SMAD3: variants seen among roughly 807,000 people sequenced by gnomAD.
The protein encoded by SMAD3 is MAD homolog 3.
Under a neutral mutation model 51.8 loss-of-function variants are expected in SMAD3, and 12 were observed. The ratio of observed to expected loss-of-function variants is 0.23; its 90% CI spans 0.15 to 0.38. SMAD3 has a LOEUF of 0.38. SMAD3 is among the 10% of genes least tolerant of loss of function. SMAD3 has a pLI of 1.00. For synonymous variants in SMAD3, 238 were observed against 227.7 expected (o/e 1.05, Z -0.41); for missense variants, 294 against 565.6 (o/e 0.52, Z 4.87).
intron 1 of SMAD3, among the ~76,000 whole-genome samples, chr15:67,152,839 T>C (rs746660687): frequency 6.6e-6 from 1 of 152,190 alleles, no homozygotes; most frequent in African/African-American, 2.4e-5. Flanking sequence ...GAAAAAAGTT[T>C]GTGAAGACCA....
At chr15:67,164,821 T>C in intron 1 of SMAD3, 74 bp from the exon 2 acceptor site, 1 of 1,487,226 alleles carries the variant, frequency 6.7e-7, no homozygotes, top group South Asian at 1.1e-5. Flanking sequence ...TGTCTGAAAG[T>C]AGGAGGCCGG....
chr15:67,171,244 A>G (rs1962743225), intron 5 of SMAD3, among the ~76,000 whole-genome samples: 1 of 151,958 alleles, frequency 6.6e-6, no homozygotes, highest in African/African-American at 2.4e-5. Flanking sequence ...ACGTTTCCGT[A>G]TTTAGGTGTC....
intron 8 of SMAD3, 112 bp from the exon 9 acceptor site, chr15:67,190,298 TAAC>T: frequency 1.0e-6 from 1 of 994,884 alleles, no homozygotes; most frequent in Non-Finnish European, 1.6e-6. Context: ...GGACAGCGTC[TAAC>T]AGCATCTTTG....
chr15:67,147,373 T>G (rs1206549222), intron 1 of SMAD3, among the ~76,000 whole-genome samples: 1 of 152,196 alleles, frequency 6.6e-6, no homozygotes, highest in African/African-American at 2.4e-5. Context: ...TATTGTGGTG[T>G]TAGCTTCTTT....
intron 1 of SMAD3, among the ~76,000 whole-genome samples, chr15:67,115,453 C>A (rs971054897): frequency 5.3e-5 from 8 of 152,170 alleles, no homozygotes; most frequent in East Asian, 1.9e-4. Flanking sequence ...TCTCTGAGGT[C>A]ATTTAGTTGC....
chr15:67,131,422 T>C (rs1428386892), intron 1 of SMAD3, among the ~76,000 whole-genome samples: 1 of 152,148 alleles, frequency 6.6e-6, no homozygotes, highest in African/African-American at 2.4e-5. Flanking sequence ...TGTTCTCGGG[T>C]TTCATTGTTG....
In SMAD3 at chr15:67,135,379, C is replaced by T. The variant is rs540378286; in HGVS notation, c.207-29516C>T. Among the ~76,000 whole-genome samples the T allele has an allele frequency of 4.6e-5, 7 of 152,300 alleles. No homozygotes were observed. The East Asian group carries it at 9.7e-4, about 21-fold the overall frequency. ...TTGAGGCTGTGGGCCAGTGGCTTTG[C>T]CCCTTGGAAGCTTGGTTTCCTCATC... is the stretch of plus-strand genomic sequence containing the variant. On this transcript the variant is annotated intron_variant, in intron 1 of 8. Transcript: ENST00000327367.
At chr15:67,101,076 A>G (rs1186473865) in intron 1 of SMAD3, among the ~76,000 whole-genome samples, 3 of 152,184 alleles carry the variant, frequency 2.0e-5, no homozygotes, top group Non-Finnish European at 4.4e-5. Context: ...TGTAGTAGAA[A>G]TAGAAATATC....
At chr15:67,170,860 T>C (rs969183523) in intron 5 of SMAD3, among the ~76,000 whole-genome samples, 1 of 152,226 alleles carries the variant, frequency 6.6e-6, no homozygotes, top group African/African-American at 2.4e-5. Flanking sequence ...CGTGAGTGAA[T>C]GAAAATTCCC....
At chr15:67,080,113 C>T (rs1225844610) in intron 1 of SMAD3, among the ~76,000 whole-genome samples, 1 of 152,164 alleles carries the variant, frequency 6.6e-6, no homozygotes, top group East Asian at 1.9e-4. Flanking sequence ...GTAATAGTCA[C>T]CCTGCCTCTG....
intron 3 of SMAD3, among the ~76,000 whole-genome samples, chr15:67,165,602 A>G (rs1451810838): frequency 1.3e-5 from 2 of 152,230 alleles, no homozygotes; most frequent in East Asian, 1.9e-4. Context: ...TTTTCTTGGC[A>G]TAGAGGAGCA....
At chr15:67,096,303 CAT>C (rs1389175005) in intron 1 of SMAD3, among the ~76,000 whole-genome samples, 2 of 152,194 alleles carry the variant, frequency 1.3e-5, no homozygotes, top group South Asian at 2.1e-4. Flanking sequence ...AGAATGGACA[CAT>C]AGCGAGAAGT....
intron 1 of SMAD3, among the ~76,000 whole-genome samples, chr15:67,107,509 A>G (rs1301187176): frequency 1.3e-5 from 2 of 152,170 alleles, no homozygotes; most frequent in Admixed American, 6.5e-5. Flanking sequence ...GGTCACCTGC[A>G]GGCAGAGACA....
At chr15:67,068,072 T>C in intron 1 of SMAD3, among the ~76,000 whole-genome samples, 1 of 152,188 alleles carries the variant, frequency 6.6e-6, no homozygotes, top group Non-Finnish European at 1.5e-5. Context: ...TTTCACAGTT[T>C]ACAAAGCACT....
At chr15:67,135,174 A>G (rs747507460) in intron 1 of SMAD3, among the ~76,000 whole-genome samples, 108 of 152,296 alleles carry the variant, frequency 7.1e-4, no homozygotes, top group Non-Finnish European at 1.3e-3. Flanking sequence ...GGGGTCAGCA[A>G]TCTGGGTTCT....
At chr15:67,067,823 A>G (rs1959962536) in intron 1 of SMAD3, among the ~76,000 whole-genome samples, 1 of 152,054 alleles carries the variant, frequency 6.6e-6, no homozygotes, top group Non-Finnish European at 1.5e-5. Context: ...AGGTGGTGTG[A>G]TGTGATGGTC....
chr15:67,132,184 C>A (rs1369827585), intron 1 of SMAD3, among the ~76,000 whole-genome samples: 1 of 152,194 alleles, frequency 6.6e-6, no homozygotes, highest in Non-Finnish European at 1.5e-5. Flanking sequence ...CCTCAGCGAT[C>A]AGCCACATAG....
At chr15:67,086,551 A>G (rs1960398449) in intron 1 of SMAD3, among the ~76,000 whole-genome samples, 1 of 152,138 alleles carries the variant, frequency 6.6e-6, no homozygotes, top group Non-Finnish European at 1.5e-5. Flanking sequence ...ATCAGTGCTG[A>G]AAGCCCTTGA....
At chr15:67,182,990 AAAAAAAAAAAATATATAT>A (rs988820651) in intron 6 of SMAD3, among the ~76,000 whole-genome samples, 1 of 31,330 alleles carries the variant, frequency 3.2e-5, no homozygotes, top group African/African-American at 1.3e-4. Context: ...TTTTATTAAA[AAAAAAAAAAAATATATAT>A]ATATATATAT....
Sources: allele counts gnomAD v4.1 joint callset (sites outside exome capture counted in the v4.1 genomes callset), GRCh38; gene constraint gnomAD v4.1.1; transcripts MANE v1.5; gene names NCBI Gene and HGNC (gene_info 2026-07-23, HGNC 2026-07-21).